Variants in CNBD1 observed in about 807,000 individuals in gnomAD.
The protein encoded by CNBD1 is cyclic nucleotide-binding domain-containing protein 1.
Under a neutral mutation model 54.4 loss-of-function variants are expected in CNBD1, and 71 were observed. That is an observed-to-expected ratio of 1.30 (90% CI 1.08 to 1.59). CNBD1 has a LOEUF of 1.59. CNBD1 is among the 40% of genes most tolerant of loss of function. The probability of loss-of-function intolerance (pLI) is 0.00; values close to 1 mark genes in which losing one functional copy is unlikely to be tolerated. For synonymous variants in CNBD1, 182 were observed against 170.7 expected, an observed-to-expected ratio of 1.07 and a Z score of -0.51; for missense variants, 659 against 518.0, an observed-to-expected ratio of 1.27 and a Z score of -2.64.
chr8:87,351,909 T>C, intron 9 of CNBD1, 115 bp downstream of exon 9: 2 of 1,104,886 alleles, frequency 1.8e-6, no homozygotes, highest in Non-Finnish European at 2.3e-6. Flanking sequence ...GAAATTTCTA[T>C]TCAATTTTTT....
At chr8:87,158,247 C>T (rs1812785765) in intron 4 of CNBD1, among the ~76,000 whole-genome samples, 2 of 152,056 alleles carry the variant, frequency 1.3e-5, no homozygotes, top group Admixed American at 6.6e-5. Context: ...TCTCTGCCTC[C>T]ATTTCCTTGT....
At chr8:87,240,429 G>T (rs182907614) in intron 6 of CNBD1, among the ~76,000 whole-genome samples, 2 of 151,980 alleles carry the variant, frequency 1.3e-5, no homozygotes, top group Non-Finnish European at 2.9e-5. Flanking sequence ...TCAAACAAGT[G>T]GTGTAGTATT....
At chr8:86,972,554 G>A (rs561837706) in intron 4 of CNBD1, among the ~76,000 whole-genome samples, 1 of 152,266 alleles carries the variant, frequency 6.6e-6, no homozygotes, top group South Asian at 2.1e-4. Flanking sequence ...TGAAACTTAA[G>A]GAGATAGTGC....
chr8:87,215,893 C>G (rs1419984534), intron 5 of CNBD1, among the ~76,000 whole-genome samples: 1 of 152,164 alleles, frequency 6.6e-6, no homozygotes, highest in Non-Finnish European at 1.5e-5. Context: ...CAATCACTCA[C>G]CATTCCCCTA....
At chr8:87,020,829 C>G (rs1278420198) in intron 4 of CNBD1, among the ~76,000 whole-genome samples, 1 of 152,150 alleles carries the variant, frequency 6.6e-6, no homozygotes, top group East Asian at 1.9e-4. Flanking sequence ...CAACTAAGAG[C>G]TAGACATGAT....
At chr8:87,294,628 T>C (rs1808845575) in intron 8 of CNBD1, among the ~76,000 whole-genome samples, 4 of 152,154 alleles carry the variant, frequency 2.6e-5, no homozygotes, top group Non-Finnish European at 1.5e-5. Context: ...GAATGACTCA[T>C]TTCATGTGTG....
At chr8:86,988,651 G>C (rs113360234) in intron 4 of CNBD1, among the ~76,000 whole-genome samples, 1 of 151,760 alleles carries the variant, frequency 6.6e-6, no homozygotes, top group African/African-American at 2.4e-5. Flanking sequence ...CTATATTTTC[G>C]TATCCTTTAA....
At chr8:87,262,008 G>A (rs1045439345) in intron 6 of CNBD1, among the ~76,000 whole-genome samples, 1 of 151,274 alleles carries the variant, frequency 6.6e-6, no homozygotes, top group African/African-American at 2.4e-5. Flanking sequence ...ACAAAAATTA[G>A]CCTGACGTGG....
At chr8:87,416,549 G>A (rs980300967) in intron 2 of CNBD1, among the ~76,000 whole-genome samples, 6 of 151,970 alleles carry the variant, frequency 3.9e-5, no homozygotes, top group African/African-American at 9.7e-5. Flanking sequence ...ACCAGAACAG[G>A]GTTGGAGACC....
At chr8:87,085,242 T>C (rs1023038343) in intron 4 of CNBD1, among the ~76,000 whole-genome samples, 1 of 152,192 alleles carries the variant, frequency 6.6e-6, no homozygotes, top group Non-Finnish European at 1.5e-5. Flanking sequence ...ATTTCTATAA[T>C]CACTGCATTA....
intron 2 of CNBD1, among the ~76,000 whole-genome samples, chr8:87,424,780 A>T (rs2130996092): frequency 6.6e-6 from 1 of 152,238 alleles, no homozygotes; most frequent in South Asian, 2.1e-4. Context: ...AACTTTGGTG[A>T]ATCTGACAAT....
At chr8:87,022,774 T>A (rs1809516138) in intron 4 of CNBD1, among the ~76,000 whole-genome samples, 1 of 152,362 alleles carries the variant, frequency 6.6e-6, no homozygotes, top group Non-Finnish European at 1.5e-5. Context: ...TGCAAGTTGA[T>A]TCTCAAATAT....
chr8:87,232,020 G>T (rs1807451090), intron 5 of CNBD1, among the ~76,000 whole-genome samples: 1 of 152,108 alleles, frequency 6.6e-6, no homozygotes, highest in Non-Finnish European at 1.5e-5. Flanking sequence ...TTGTAATGAA[G>T]TCAGACAGCA....
intron 4 of CNBD1, among the ~76,000 whole-genome samples, chr8:87,003,439 A>G (rs2130548355): frequency 6.6e-6 from 1 of 152,290 alleles, no homozygotes; most frequent in East Asian, 1.9e-4. Flanking sequence ...AGACTTGGGT[A>G]GGTCTTAGCA....
At chr8:87,406,243 G>C (rs1007740547) in intron 2 of CNBD1, among the ~76,000 whole-genome samples, 1 of 151,882 alleles carries the variant, frequency 6.6e-6, no homozygotes, top group Non-Finnish European at 1.5e-5. Flanking sequence ...AGTGAAAATT[G>C]TTCATAAACA....
chr8:87,315,579 C>G (rs1024903284), intron 8 of CNBD1, among the ~76,000 whole-genome samples: 8 of 151,902 alleles, frequency 5.3e-5, no homozygotes, highest in Admixed American at 5.3e-4. Context: ...AGAGTGAGAA[C>G]TCACGCCTTA....
intron 8 of CNBD1, among the ~76,000 whole-genome samples, chr8:87,319,993 G>T (rs1054901051): frequency 1.3e-5 from 2 of 152,002 alleles, no homozygotes; most frequent in Admixed American, 6.6e-5. Flanking sequence ...ATTTCAAAAA[G>T]TATGTCCCCT....
chr8:87,279,718 A>G (rs556273930), intron 6 of CNBD1, among the ~76,000 whole-genome samples: 55 of 151,212 alleles, frequency 3.6e-4, no homozygotes, highest in Non-Finnish European at 6.2e-4. Context: ...GAGATTATAT[A>G]TTTTTATATA....
chr8:87,265,272 G>A (rs571478448), intron 6 of CNBD1, among the ~76,000 whole-genome samples: 1 of 151,976 alleles, frequency 6.6e-6, no homozygotes, highest in Non-Finnish European at 1.5e-5. Context: ...TTTCCCCATT[G>A]CTTGTTTTTC....
Sources: allele counts gnomAD v4.1 joint callset (sites outside exome capture counted in the v4.1 genomes callset), GRCh38; gene constraint gnomAD v4.1.1; transcripts MANE v1.5; gene names NCBI Gene and HGNC (gene_info 2026-07-23, HGNC 2026-07-21).